The following RBFOX1 variants were observed in gnomAD, a reference collection of about 807,000 sequenced individuals.
RBFOX1 encodes the protein RNA binding protein fox-1 homolog 1.
RBFOX1 carries 8 observed loss-of-function variants against 57.7 expected under a neutral mutation model. The observed-to-expected ratio is 0.14, with a 90% CI of 0.08 to 0.25. The LOEUF (loss-of-function observed/expected upper bound fraction) is 0.25, where lower values mean the gene tolerates loss of function less well. Ranked by LOEUF, RBFOX1 falls within the 10% of genes least tolerant of loss-of-function variation. The pLI is 1.00. For missense variants in RBFOX1, 611 were observed against 548.5 expected, an observed-to-expected ratio of 1.11 and a Z score of -1.14; for synonymous variants, 326 against 222.4, an observed-to-expected ratio of 1.47 and a Z score of -4.15.
intron 2 of RBFOX1, among the ~76,000 whole-genome samples, chr16:6,324,016 GC>G (rs375227452): frequency 1.1e-4 from 17 of 152,226 alleles, no homozygotes; most frequent in East Asian, 9.7e-4. Flanking sequence ...CAAGTGGTCT[GC>G]CCGCCTCAGC....
At chr16:7,347,958 G>C (rs890439364) in intron 4 of RBFOX1, among the ~76,000 whole-genome samples, 10 of 152,160 alleles carry the variant, frequency 6.6e-5, no homozygotes, top group African/African-American at 2.2e-4. Context: ...TCCATGCAGA[G>C]CTGTCTGTTT....
rs78843373 is a variant in RBFOX1, at chr16:6,670,044, C to G, written c.-16+15394C>G. Among the ~76,000 whole-genome samples the G allele has an allele frequency of 6.6e-3, 1,004 of 152,250 alleles. 13 individuals carry two copies. The highest frequency in any genetic ancestry group is 0.022 in the African/African-American group (908 of 41,548). ...ATCTGTCTATCTCTATATATTGAGA[C>G]AGGGCCTTGCTCTAGTGTCCACGTT... On this transcript the variant is annotated intron_variant, in intron 3 of 15. Coordinates refer to ENST00000550418, the MANE Select transcript of RBFOX1 (RefSeq NM_018723.4).
chr16:6,631,077 C>T (rs9302827), intron 2 of RBFOX1, among the ~76,000 whole-genome samples: 114,305 of 151,832 alleles, frequency 0.75, 43,271 homozygotes, highest in South Asian at 0.87. Flanking sequence ...AGAGAGAGGG[C>T]ATTTGGAGGG....
chr16:7,542,064 G>A (rs745631558), intron 5 of RBFOX1, among the ~76,000 whole-genome samples: 23 of 152,098 alleles, frequency 1.5e-4, no homozygotes, highest in Non-Finnish European at 2.9e-4. Flanking sequence ...GCTTTCGTGG[G>A]GGTACCTCTA....
At chr16:7,223,508 A>G (rs1328638517) in intron 4 of RBFOX1, among the ~76,000 whole-genome samples, 1 of 152,182 alleles carries the variant, frequency 6.6e-6, no homozygotes, top group African/African-American at 2.4e-5. Flanking sequence ...TAAGTGCTTT[A>G]CCTGTGGAAG....
At chr16:5,538,429 A>G (rs2044789280) in intron 2 of RBFOX1, among the ~76,000 whole-genome samples, 3 of 152,170 alleles carry the variant, frequency 2.0e-5, no homozygotes, top group Admixed American at 6.5e-5. Flanking sequence ...AGGGAGGTCA[A>G]AGAAGACTAA....
At chr16:6,988,347 C>A (rs377656868) in intron 3 of RBFOX1, among the ~76,000 whole-genome samples, 1 of 152,122 alleles carries the variant, frequency 6.6e-6, no homozygotes, top group Non-Finnish European at 1.5e-5. Context: ...ATCTTACTGT[C>A]CACTGTAGTA....
At chr16:6,221,022 G>A (rs1340424738) in intron 1 of RBFOX1, among the ~76,000 whole-genome samples, 1 of 151,960 alleles carries the variant, frequency 6.6e-6, no homozygotes, top group African/African-American at 2.4e-5. Context: ...ATTATATTAG[G>A]TGAAATTAAA....
At chr16:6,769,642 A>C (rs1470566621) in intron 3 of RBFOX1, among the ~76,000 whole-genome samples, 2 of 152,198 alleles carry the variant, frequency 1.3e-5, no homozygotes, top group African/African-American at 4.8e-5. Context: ...TGTTGGCTCT[A>C]ATGTATAATA....
intron 3 of RBFOX1, among the ~76,000 whole-genome samples, chr16:6,934,164 C>T (rs1053386282): frequency 5.3e-5 from 8 of 152,098 alleles, no homozygotes; most frequent in Admixed American, 2.6e-4. Context: ...ACAGAGTTTT[C>T]CTAACAGTAT....
At chr16:5,863,339 C>T (rs927941776) in intron 3 of RBFOX1, among the ~76,000 whole-genome samples, 3 of 152,210 alleles carry the variant, frequency 2.0e-5, no homozygotes, top group African/African-American at 4.8e-5. Context: ...CGCTGGTCCA[C>T]AGAATGGCCC....
intron 1 of RBFOX1, among the ~76,000 whole-genome samples, chr16:5,325,510 A>G (rs1449131607): frequency 1.3e-5 from 2 of 152,226 alleles, no homozygotes; most frequent in Admixed American, 6.5e-5. Context: ...ACACATATAT[A>G]GATTTGCATA....
At chr16:6,276,712 A>C (rs1311325486) in intron 1 of RBFOX1, among the ~76,000 whole-genome samples, 1 of 152,004 alleles carries the variant, frequency 6.6e-6, no homozygotes, top group Admixed American at 6.6e-5. Flanking sequence ...TACTGGTCGC[A>C]TTAAGTTCCC....
chr16:6,344,882 G>C (rs532032129), intron 2 of RBFOX1, among the ~76,000 whole-genome samples: 1 of 151,588 alleles, frequency 6.6e-6, no homozygotes, highest in South Asian at 2.1e-4. Flanking sequence ...GTAGACACGA[G>C]GTTTCACCAG....
chr16:7,543,799 C>T (rs2083655607), intron 5 of RBFOX1, among the ~76,000 whole-genome samples: 1 of 151,998 alleles, frequency 6.6e-6, no homozygotes, highest in South Asian at 2.1e-4. Flanking sequence ...TGGCTCACTG[C>T]AACCTCTACC....
chr16:6,902,716 C>T (rs904008124), intron 3 of RBFOX1, among the ~76,000 whole-genome samples: 1 of 152,102 alleles, frequency 6.6e-6, no homozygotes, highest in Non-Finnish European at 1.5e-5. Flanking sequence ...GTCAAGACTC[C>T]ATGTAGAGAA....
intron 13 of RBFOX1, chr16:7,671,641 G>C: frequency 1.9e-6 from 3 of 1,564,608 alleles, no homozygotes; most frequent in Non-Finnish European, 2.6e-6. Flanking sequence ...CACTATGATT[G>C]TGGGTTTGCT....
chr16:5,961,171 T>TG (rs1185144389), intron 4 of RBFOX1, among the ~76,000 whole-genome samples: 2 of 152,036 alleles, frequency 1.3e-5, no homozygotes, highest in Non-Finnish European at 2.9e-5. Context: ...TTTTGAGCCT[T>TG]TTTTTCATTT....
At chr16:5,933,589 C>A (rs1341979101) in intron 4 of RBFOX1, among the ~76,000 whole-genome samples, 1 of 152,110 alleles carries the variant, frequency 6.6e-6, no homozygotes, top group African/African-American at 2.4e-5. Flanking sequence ...TTTAGGGAGG[C>A]CAAGCTATTG....
Sources: allele counts gnomAD v4.1 joint callset (sites outside exome capture counted in the v4.1 genomes callset), GRCh38; gene constraint gnomAD v4.1.1; transcripts MANE v1.5; gene names NCBI Gene and HGNC (gene_info 2026-07-23, HGNC 2026-07-21).